CCDC18: variants seen among roughly 807,000 people sequenced by gnomAD.
The protein encoded by CCDC18 is coiled-coil domain containing 18, also known as coiled-coil domain-containing protein 18.
Under a neutral mutation model 196.0 loss-of-function variants are expected in CCDC18, and 157 were observed. The ratio of observed to expected loss-of-function variants is 0.80; its 90% CI spans 0.70 to 0.91. The LOEUF (loss-of-function observed/expected upper bound fraction) is 0.91. Ranked by LOEUF, CCDC18 falls within the 40% of genes least tolerant of loss-of-function variation. The pLI is 0.00. For synonymous variants in CCDC18, 482 were observed against 529.2 expected, an observed-to-expected ratio of 0.91 and a Z score of 1.22; for missense variants, 1,465 against 1,611.6, an observed-to-expected ratio of 0.91 and a Z score of 1.56.
intron 9 of CCDC18, among the ~76,000 whole-genome samples, chr1:93,207,761 C>T (rs1228798897): frequency 6.6e-6 from 1 of 152,144 alleles, no homozygotes; most frequent in East Asian, 1.9e-4. Flanking sequence ...CTGTCATCCC[C>T]AAAAGGTATT....
At chr1:93,186,632 A>G (rs886963798) in intron 4 of CCDC18, 129 bp downstream of exon 4, 13 of 615,040 alleles carry the variant, frequency 2.1e-5, no homozygotes, top group South Asian at 4.7e-5. Context: ...TTATAATACT[A>G]TAGTATCAAC....
intron 6 of CCDC18, among the ~76,000 whole-genome samples, chr1:93,197,844 T>C (rs969447337): frequency 7.1e-5 from 10 of 141,284 alleles, no homozygotes; most frequent in Non-Finnish European, 6.0e-5. Context: ...CTCCACCTCC[T>C]GGGTTCATGC....
At chr1:93,204,540 A>T (rs1391969437) in intron 7 of CCDC18, among the ~76,000 whole-genome samples, 2 of 152,148 alleles carry the variant, frequency 1.3e-5, no homozygotes, top group Admixed American at 1.3e-4. Context: ...GGAAGCAAGG[A>T]AAACAAGAGT....
intron 28 of CCDC18, among the ~76,000 whole-genome samples, chr1:93,276,285 C>T (rs750866279): frequency 5.3e-5 from 8 of 152,186 alleles, no homozygotes; most frequent in Non-Finnish European, 8.8e-5. Context: ...CCTCTTAACA[C>T]TGAAGTATTC....
chr1:93,192,137 T>G (rs2101646001), intron 5 of CCDC18, 31 bp downstream of exon 5: 1 of 1,377,554 alleles, frequency 7.3e-7, no homozygotes, highest in Non-Finnish European at 1.0e-6. Flanking sequence ...TCTCAAAGTT[T>G]TATTTTCTAC....
intron 23 of CCDC18, among the ~76,000 whole-genome samples, chr1:93,250,280 CT>C (rs1662053107): frequency 2.0e-5 from 3 of 148,466 alleles, no homozygotes. Context: ...ACTTGGGAGG[CT>C]GAGGCGGGAG....
intron 6 of CCDC18, among the ~76,000 whole-genome samples, chr1:93,199,496 G>C (rs548965418): frequency 6.6e-6 from 1 of 152,210 alleles, no homozygotes; most frequent in South Asian, 2.1e-4. Flanking sequence ...GCCCTGGCTC[G>C]GGAAGCTCAT....
chr1:93,218,270 A>G (rs1374673662), intron 14 of CCDC18, among the ~76,000 whole-genome samples: 1 of 152,212 alleles, frequency 6.6e-6, no homozygotes, highest in Non-Finnish European at 1.5e-5. Flanking sequence ...CTGCTTATCC[A>G]TGGGAGAGAC....
chr1:93,254,083 C>G (rs1662609426), intron 23 of CCDC18, among the ~76,000 whole-genome samples: 1 of 152,036 alleles, frequency 6.6e-6, no homozygotes, highest in African/African-American at 2.4e-5. Context: ...CTTCTATAAG[C>G]TAAAACAAAA....
At chr1:93,222,965 T>C (rs1657687004) in intron 16 of CCDC18, among the ~76,000 whole-genome samples, 1 of 152,232 alleles carries the variant, frequency 6.6e-6, no homozygotes, top group Non-Finnish European at 1.5e-5. Flanking sequence ...TGTATGCCCA[T>C]GTAGACATGT....
chr1:93,220,845 C>T (rs918452232), intron 14 of CCDC18, among the ~76,000 whole-genome samples: 1 of 152,120 alleles, frequency 6.6e-6, no homozygotes, highest in Non-Finnish European at 1.5e-5. Flanking sequence ...GTGTTCTCAT[C>T]ATTCAGCTCC....
chr1:93,202,312 A>G (rs1653958287), intron 7 of CCDC18, among the ~76,000 whole-genome samples: 1 of 152,230 alleles, frequency 6.6e-6, no homozygotes, highest in African/African-American at 2.4e-5. Context: ...ACTTCAATGA[A>G]AATGAAGATA....
At chr1:93,229,559 T>TA (rs1658925435) in intron 17 of CCDC18, among the ~76,000 whole-genome samples, 1 of 152,216 alleles carries the variant, frequency 6.6e-6, no homozygotes, top group African/African-American at 2.4e-5. Flanking sequence ...GCCCCAATCA[T>TA]ATAACTCACT....
At chr1:93,190,897 A>G (rs1359549577) in intron 4 of CCDC18, 1 of 741,546 alleles carries the variant, frequency 1.3e-6, no homozygotes, top group East Asian at 2.7e-5. Flanking sequence ...TTTCTGGAAA[A>G]TCTACTTAGT....
At position 93,180,792 on chromosome 1, in the gene CCDC18, G is replaced by C; in HGVS notation, c.-63G>C. The C allele has an allele frequency of 7.3e-7, 1 of 1,367,778 alleles. No individual in the cohort carries two copies. The highest frequency in any genetic ancestry group is 9.8e-7 in the Non-Finnish European group (1 of 1,021,960). 84.7% of individuals were successfully genotyped at this position (1,367,778 alleles called of 1,614,324 possible). The stretch of plus-strand genomic sequence containing the variant: ...GTGTCCGAGGCTTCCACGCGCAGGG[G>C]CCCGGGAAAGGGTCAGAGGCTTCCT... On this transcript the variant is annotated 5_prime_UTR_variant, in exon 1 of 29. Transcript: ENST00000690025.
intron 19 of CCDC18, among the ~76,000 whole-genome samples, chr1:93,237,646 G>C (rs928423094): frequency 1.2e-4 from 18 of 152,284 alleles, no homozygotes; most frequent in African/African-American, 4.3e-4. Flanking sequence ...AAGGTGTGAA[G>C]TATATACTAT....
intron 9 of CCDC18, among the ~76,000 whole-genome samples, chr1:93,208,678 C>CT (rs943005410): frequency 2.0e-5 from 3 of 149,884 alleles, no homozygotes; most frequent in Admixed American, 6.6e-5. Context: ...AATTTTTTTT[C>CT]TTTTTTTGAG....
chr1:93,181,137 C>A (rs1649561062), intron 1 of CCDC18, among the ~76,000 whole-genome samples: 1 of 137,034 alleles, frequency 7.3e-6, no homozygotes, highest in Non-Finnish European at 1.5e-5. Context: ...GGCAATATGG[C>A]GAGCCACTGT....
chr1:93,207,538 A>C, intron 9 of CCDC18, 140 bp downstream of exon 9: 1 of 636,658 alleles, frequency 1.6e-6, no homozygotes, highest in South Asian at 2.9e-5. Context: ...TTCTGTCTAA[A>C]TCTCTATTTT....
Sources: allele counts gnomAD v4.1 joint callset (sites outside exome capture counted in the v4.1 genomes callset), GRCh38; gene constraint gnomAD v4.1.1; transcripts MANE v1.5; gene names NCBI Gene and HGNC (gene_info 2026-07-23, HGNC 2026-07-21).